TMEM116: variants seen among roughly 807,000 people sequenced by gnomAD.
The protein encoded by TMEM116 is transmembrane protein 116.
A neutral mutation model predicts 44.3 loss-of-function variants in TMEM116; 38 were observed. The ratio of observed to expected loss-of-function variants is 0.86; its 90% confidence interval spans 0.66 to 1.12. The LOEUF (loss-of-function observed/expected upper bound fraction) is 1.12, where lower values mean the gene tolerates loss of function less well. TMEM116 is among the 50% of genes most tolerant of loss of function. The probability of loss-of-function intolerance (pLI) is 0.00; values close to 1 mark genes in which losing one functional copy is unlikely to be tolerated. For synonymous variants in TMEM116, 132 were observed against 144.8 expected (o/e 0.91, Z 0.64); for missense variants, 354 against 401.7 (o/e 0.88, Z 1.01).
intron 1 of TMEM116, chr12:112,005,738 A>G: frequency 1.0e-6 from 1 of 979,582 alleles, no homozygotes; most frequent in South Asian, 4.7e-5. Flanking sequence ...TTAAATGTTG[A>G]GAGAGAATAC....
chr12:111,933,686 C>T (rs562260036), intron 9 of TMEM116, among the ~76,000 whole-genome samples, 200 bp downstream of exon 9: 7 of 149,686 alleles, frequency 4.7e-5, no homozygotes, highest in Middle Eastern at 3.4e-3. Context: ...TTAGTAGAGA[C>T]GGGGTTTCAC....
chr12:111,960,841 G>A (rs767460257), intron 4 of TMEM116, among the ~76,000 whole-genome samples: 4 of 152,026 alleles, frequency 2.6e-5, no homozygotes, highest in East Asian at 1.9e-4. Flanking sequence ...CAAAACTGAC[G>A]GAGATAGAGA....
intron 4 of TMEM116, among the ~76,000 whole-genome samples, chr12:111,963,370 C>T (rs894052213): frequency 1.3e-5 from 2 of 152,054 alleles, no homozygotes; most frequent in African/African-American, 2.4e-5. Flanking sequence ...AGACATATGC[C>T]CATGTATGTT....
intron 4 of TMEM116, among the ~76,000 whole-genome samples, chr12:111,959,398 C>T (rs2074407628): frequency 1.3e-5 from 2 of 152,146 alleles, no homozygotes; most frequent in African/African-American, 4.8e-5. Context: ...AAAAACATAC[C>T]AAATTGTAGA....
chr12:111,989,804 G>C (rs1042175133), intron 4 of TMEM116, among the ~76,000 whole-genome samples: 9 of 152,168 alleles, frequency 5.9e-5, no homozygotes, highest in Non-Finnish European at 1.3e-4. Context: ...AAAGGAAAAC[G>C]TATCTGAAAT....
chr12:111,999,523 C>T (rs2136684676), intron 3 of TMEM116, among the ~76,000 whole-genome samples: 1 of 151,946 alleles, frequency 6.6e-6, no homozygotes, highest in African/African-American at 2.4e-5. Context: ...AACCGAGACC[C>T]TGGTGACAGA....
intron 3 of TMEM116, 135 bp from the exon 4 acceptor site, chr12:111,992,024 G>T: frequency 1.1e-6 from 1 of 901,100 alleles, no homozygotes; most frequent in Non-Finnish European, 1.6e-6. Flanking sequence ...TTGGTTGATT[G>T]TGGGCAATGC....
At chr12:111,940,468 T>TACACACAC (rs1842992541) in intron 5 of TMEM116, among the ~76,000 whole-genome samples, 1 of 103,814 alleles carries the variant, frequency 9.6e-6, no homozygotes, top group Non-Finnish European at 1.8e-5. Flanking sequence ...CCCCCACATA[T>TACACACAC]ATATATATAC....
rs775071261 is a variant in TMEM116 at position 111,931,872 on chromosome 12, A to C, written c.808-45T>G. ...GATGCAGCCCATGCTTCAGGTTTTC[A>C]GGGATCCAGGGAATAATTCTCACTC... On this transcript the variant is annotated intron_variant, in intron 10 of 10. Coordinates refer to ENST00000552374, the MANE Select transcript of TMEM116 (RefSeq NM_001193531.2). 9.1e-6 allele frequency: 12 copies of C among 1,318,468 alleles called. No homozygotes were observed. The South Asian group carries it at 1.8e-4, about 20-fold the overall frequency. The allele number at this position is 1,318,468 out of a possible 1,614,324, so 81.7% of individuals were successfully genotyped here. A position where few individuals can be genotyped will look rare whatever the true frequency, so the allele number is the denominator to read the frequency against.
intron 4 of TMEM116, among the ~76,000 whole-genome samples, chr12:111,952,139 G>A (rs2136320763): frequency 6.6e-6 from 1 of 152,258 alleles, no homozygotes; most frequent in South Asian, 2.1e-4. Context: ...TGAGGCAGGA[G>A]AATCACTTGA....
chr12:112,010,313 G>A (rs546588202), intron 1 of TMEM116: 26 of 152,208 alleles, frequency 1.7e-4, no homozygotes, highest in African/African-American at 5.5e-4. Context: ...ATAGTGTTAC[G>A]GGGTCTTTGG....
intron 4 of TMEM116, among the ~76,000 whole-genome samples, chr12:111,987,207 T>C (rs1025274129): frequency 1.3e-5 from 2 of 151,838 alleles, no homozygotes; most frequent in Non-Finnish European, 2.9e-5. Flanking sequence ...GCAATCTGAT[T>C]AAAAAATGGG....
chr12:111,981,833 A>T (rs1457113131), intron 4 of TMEM116, among the ~76,000 whole-genome samples: 2 of 152,282 alleles, frequency 1.3e-5, no homozygotes, highest in Non-Finnish European at 2.9e-5. Context: ...TATATACATA[A>T]TGGAATACTA....
chr12:111,952,151 C>A (rs1295868595), intron 4 of TMEM116, among the ~76,000 whole-genome samples: 1 of 152,092 alleles, frequency 6.6e-6, no homozygotes, highest in Non-Finnish European at 1.5e-5. Flanking sequence ...ATCACTTGAA[C>A]CTGGAAGATG....
At chr12:111,952,755 A>C (rs904304836) in intron 4 of TMEM116, among the ~76,000 whole-genome samples, 4 of 152,172 alleles carry the variant, frequency 2.6e-5, no homozygotes, top group African/African-American at 9.7e-5. Context: ...TCAGACTCCA[A>C]GTTCTTCAGC....
At chr12:112,001,664 CTGTG>C (rs930827814) in intron 3 of TMEM116, among the ~76,000 whole-genome samples, 7 of 152,204 alleles carry the variant, frequency 4.6e-5, no homozygotes, top group African/African-American at 1.7e-4. Flanking sequence ...TTAGCTCTCT[CTGTG>C]TGTAAGTCAT....
intron 8 of TMEM116, 81 bp from the exon 9 acceptor site, chr12:111,934,111 G>T: frequency 2.1e-5 from 31 of 1,442,498 alleles, no homozygotes; most frequent in East Asian, 5.0e-5. Flanking sequence ...ATTTTAAAAA[G>T]ATTATTCTCT....
intron 3 of TMEM116, chr12:112,000,850 G>C: frequency 2.1e-6 from 1 of 468,970 alleles, no homozygotes; most frequent in Admixed American, 2.3e-5. Flanking sequence ...TTAATTCCTG[G>C]CTCCTCCCCG....
At chr12:111,970,968 C>T (rs184187280) in intron 4 of TMEM116, among the ~76,000 whole-genome samples, 488 of 152,200 alleles carry the variant, frequency 3.2e-3, no homozygotes, top group Non-Finnish European at 5.2e-3. Context: ...AGAGGAATAA[C>T]GATAAGAATA....
Sources: gnomAD v4.1 joint callset for allele counts (sites outside exome capture counted in the v4.1 genomes callset) on GRCh38, gnomAD v4.1.1 for gene constraint, MANE v1.5 for transcripts, NCBI Gene and HGNC (gene_info 2026-07-23, HGNC 2026-07-21) for gene names.